Variants in EIF3H observed in about 807,000 individuals in gnomAD.
EIF3H encodes the protein eukaryotic translation initiation factor 3 subunit H.
A neutral mutation model predicts 44.2 loss-of-function variants in EIF3H; 26 were observed. The ratio of observed to expected loss-of-function variants is 0.59; its 90% CI spans 0.43 to 0.82. The LOEUF is 0.82. Among genes scored for constraint, EIF3H ranks in the 40% least tolerant of loss-of-function variants. The probability of loss-of-function intolerance (pLI) is 0.00; values close to 1 mark genes in which losing one functional copy is unlikely to be tolerated. For synonymous variants in EIF3H, 166 were observed against 151.9 expected, an observed-to-expected ratio of 1.09 and a Z score of -0.68; for missense variants, 359 against 432.8, an observed-to-expected ratio of 0.83 and a Z score of 1.51.
chr8:116,743,283 T>C (rs545505914), intron 1 of EIF3H, among the ~76,000 whole-genome samples: 2 of 151,774 alleles, frequency 1.3e-5, no homozygotes, highest in South Asian at 2.1e-4. Context: ...GCCCCATCTC[T>C]ACAAAAGAAA....
chr8:116,748,862 A>T (rs1379992882), intron 1 of EIF3H, among the ~76,000 whole-genome samples: 1 of 152,232 alleles, frequency 6.6e-6, no homozygotes, highest in Non-Finnish European at 1.5e-5. Context: ...ATAACATTTA[A>T]TACAATGTAA....
upstream of EIF3H, among the ~76,000 whole-genome samples, chr8:116,756,626 T>A (rs546258582): frequency 6.6e-6 from 1 of 152,294 alleles, no homozygotes; most frequent in South Asian, 2.1e-4. Flanking sequence ...ACAGAACTGA[T>A]GAAATAATTA....
intron 1 of EIF3H, among the ~76,000 whole-genome samples, chr8:116,727,881 ATT>A (rs1423473172): frequency 6.6e-6 from 1 of 152,184 alleles, no homozygotes; most frequent in Non-Finnish European, 1.5e-5. Flanking sequence ...GCTGTGGAAG[ATT>A]GAAAATTTGA....
intron 1 of EIF3H, among the ~76,000 whole-genome samples, chr8:116,753,775 T>C (rs956953514): frequency 6.6e-6 from 1 of 152,204 alleles, no homozygotes; most frequent in African/African-American, 2.4e-5. Flanking sequence ...CTGTGTTAGA[T>C]AGTATTTGGC....
In EIF3H at chr8:116,740,478, G is replaced by A. The variant is rs189955289; in HGVS notation, c.133-14306C>T. Among the ~76,000 whole-genome samples, 63 of 152,162 alleles carry A rather than the reference G, an allele frequency of 4.1e-4. 2 individuals are homozygous for A. In the East Asian group the frequency reaches 0.012, roughly 29 times the overall value. On this transcript the variant is annotated intron_variant, in intron 1 of 7. Transcript: ENST00000521861. ...TAGCTCTAATTCTATTCTGAACATC[G>A]TATTTTTAAGAATGGTAAAAACAAA...
rs1438544107 is a variant in EIF3H, at chr8:116,642,202, TACC to T, written c.*2801_*2803del. ...AAAAAATTATTTCATAACATTCTGA[TACC>T]ACTACACCTGAGTTCGATGCCAGCA... On this transcript the variant is annotated 3_prime_UTR_variant, in exon 8 of 8. Transcript: ENST00000521861. The T allele has an allele frequency of 2.6e-5, 4 of 152,192 alleles. No individual in the cohort carries two copies. The highest frequency in any genetic ancestry group is 2.0e-4 in the Admixed American group (3 of 15,278). The allele number at this position is 152,192 out of a possible 1,614,324, so 9.4% of individuals were successfully genotyped here.
At chr8:116,735,652 A>ACAC (rs113611842) in intron 1 of EIF3H, among the ~76,000 whole-genome samples, 15 of 152,160 alleles carry the variant, frequency 9.9e-5, no homozygotes, top group African/African-American at 2.9e-4. Flanking sequence ...ATAAGCCAAA[A>ACAC]CACCACCACC....
intron 2 of EIF3H, among the ~76,000 whole-genome samples, chr8:116,694,195 T>C (rs1814227280): frequency 6.6e-6 from 1 of 152,130 alleles, no homozygotes. Flanking sequence ...TTTGTACCAA[T>C]TTAAACTCCC....
chr8:116,674,841 T>C (rs780419438), intron 2 of EIF3H, among the ~76,000 whole-genome samples: 5 of 152,082 alleles, frequency 3.3e-5, no homozygotes, highest in Admixed American at 2.0e-4. Flanking sequence ...TAAGACATCA[T>C]AGATTAACAG....
intron 2 of EIF3H, among the ~76,000 whole-genome samples, chr8:116,678,243 C>A (rs2130832029): frequency 6.6e-6 from 1 of 152,212 alleles, no homozygotes; most frequent in East Asian, 1.9e-4. Flanking sequence ...GATCCGCCAG[C>A]CTCGGCCTCC....
chr8:116,752,033 G>A (rs938958005), intron 1 of EIF3H, among the ~76,000 whole-genome samples: 1 of 152,124 alleles, frequency 6.6e-6, no homozygotes, highest in Non-Finnish European at 1.5e-5. Context: ...ACTCCAATAT[G>A]CACAGATGGA....
chr8:116,710,938 T>G (rs1042701566), intron 2 of EIF3H, among the ~76,000 whole-genome samples: 1 of 152,226 alleles, frequency 6.6e-6, no homozygotes, highest in Non-Finnish European at 1.5e-5. Flanking sequence ...TAGCCAGAAC[T>G]CAATGTAGAT....
chr8:116,670,124 A>G (rs1813728620), intron 2 of EIF3H, among the ~76,000 whole-genome samples: 1 of 152,194 alleles, frequency 6.6e-6, no homozygotes. Flanking sequence ...GAATGTGTGA[A>G]TTTCCTATAA....
intron 1 of EIF3H, among the ~76,000 whole-genome samples, chr8:116,739,991 A>AAC (rs144316842): frequency 0.36 from 55,181 of 151,552 alleles, 11,405 homozygotes; most frequent in East Asian, 0.57. Flanking sequence ...ATGAAAATAA[A>AAC]ACACACACAC....
At chr8:116,708,893 C>A (rs1424151553) in intron 2 of EIF3H, among the ~76,000 whole-genome samples, 1 of 151,742 alleles carries the variant, frequency 6.6e-6, no homozygotes, top group African/African-American at 2.4e-5. Context: ...TACTTCTAAG[C>A]TTTCCATTTT....
chr8:116,721,645 G>A lies in EIF3H; in HGVS notation c.289+4371C>T, dbSNP rs1002866402. Reference sequence around the variant, plus strand: ...CCTGCAATGCCACAGGGGCAGAGCTGCCCAAAGCCACAGGGACAGAGCTGC... The same window carrying A: ...CCTGCAATGCCACAGGGGCAGAGCTACCCAAAGCCACAGGGACAGAGCTGC... On this transcript the variant is annotated intron_variant, in intron 2 of 7. Coordinates refer to ENST00000521861, the MANE Select transcript of EIF3H (RefSeq NM_003756.3). Among the ~76,000 whole-genome samples, 3 of 152,238 alleles carry A rather than the reference G, an allele frequency of 2.0e-5. No individual in the cohort carries two copies. The East Asian group carries it at 5.8e-4, about 29-fold the overall frequency.
chr8:116,716,890 AAAC>A (rs1468177981), intron 2 of EIF3H, among the ~76,000 whole-genome samples: 1 of 152,082 alleles, frequency 6.6e-6, no homozygotes, highest in Non-Finnish European at 1.5e-5. Context: ...CAAAACAAAC[AAAC>A]AAAACACCTG....
At chr8:116,681,542 T>G (rs759872464) in intron 2 of EIF3H, among the ~76,000 whole-genome samples, 123 of 151,552 alleles carry the variant, frequency 8.1e-4, no homozygotes, top group Non-Finnish European at 1.3e-3. Flanking sequence ...GGCACATGCC[T>G]GTAATCCTAG....
intron 2 of EIF3H, among the ~76,000 whole-genome samples, chr8:116,680,512 G>C (rs1813963742): frequency 1.2e-5 from 1 of 80,282 alleles, no homozygotes. Flanking sequence ...GGATCCTGTT[G>C]ATCTGTGACC....
Sources: gnomAD v4.1 joint callset for allele counts (sites outside exome capture counted in the v4.1 genomes callset) on GRCh38, gnomAD v4.1.1 for gene constraint, MANE v1.5 for transcripts, NCBI Gene and HGNC (gene_info 2026-07-23, HGNC 2026-07-21) for gene names.